The following PCDH9 variants were observed in gnomAD, a reference collection of about 807,000 sequenced individuals.
PCDH9 encodes the protein protocadherin 9.
A neutral mutation model predicts 70.6 loss-of-function variants in PCDH9; 24 were observed. The ratio of observed to expected loss-of-function variants is 0.34; its 90% CI spans 0.25 to 0.48. The LOEUF (loss-of-function observed/expected upper bound fraction) is 0.48. Among genes scored for constraint, PCDH9 ranks in the 20% least tolerant of loss-of-function variants. The pLI, the probability that PCDH9 is intolerant of heterozygous loss-of-function variation, is 0.99. For missense variants in PCDH9, 1,281 were observed against 1,503.6 expected, an observed-to-expected ratio of 0.85 and a Z score of 2.45; for synonymous variants, 562 against 558.5, an observed-to-expected ratio of 1.01 and a Z score of -0.09.
chr13:66,947,309 C>G (rs2083104202), intron 2 of PCDH9, among the ~76,000 whole-genome samples: 1 of 152,006 alleles, frequency 6.6e-6, no homozygotes, highest in African/African-American at 2.4e-5. Flanking sequence ...AAATTATTAC[C>G]CCTCTTTTAC....
chr13:67,000,360 C>T lies in PCDH9; in HGVS notation c.3037-96755G>A, dbSNP rs867297213. Among the ~76,000 whole-genome samples, 86 of 150,346 alleles carry T rather than the reference C, an allele frequency of 5.7e-4. No homozygotes were observed. In the Middle Eastern group the frequency reaches 0.017, roughly 30 times the overall value. On this transcript the variant is annotated intron_variant, in intron 2 of 4. Transcript: ENST00000377865. ...GGTGGGGGAGGGGGGAGGGATAGCA[C>T]TAGGAGATACACCTAATGCTAAATG...
intron 4 of PCDH9, among the ~76,000 whole-genome samples, chr13:66,547,163 C>T (rs1961244888): frequency 6.6e-6 from 1 of 152,150 alleles, no homozygotes; most frequent in African/African-American, 2.4e-5. Flanking sequence ...TTAATCACTT[C>T]TTATTTGTAA....
intron 2 of PCDH9, among the ~76,000 whole-genome samples, chr13:67,019,829 T>G (rs907093105): frequency 6.6e-6 from 1 of 152,120 alleles, no homozygotes; most frequent in African/African-American, 2.4e-5. Flanking sequence ...CAGAGGTGAG[T>G]ACCAAGCACA....
intron 2 of PCDH9, among the ~76,000 whole-genome samples, chr13:67,110,965 G>A (rs1274034975): frequency 1.3e-5 from 2 of 152,114 alleles, no homozygotes; most frequent in Non-Finnish European, 2.9e-5. Context: ...AATTCCATAA[G>A]GCCAATGCCT....
intron 2 of PCDH9, among the ~76,000 whole-genome samples, chr13:66,904,516 G>A (rs1166320013): frequency 6.6e-6 from 1 of 151,856 alleles, no homozygotes; most frequent in Non-Finnish European, 1.5e-5. Context: ...TGTGCCCCCA[G>A]AAAAGGTTCA....
At chr13:66,600,669 G>A (rs1043890892) in intron 4 of PCDH9, among the ~76,000 whole-genome samples, 2 of 113,160 alleles carry the variant, frequency 1.8e-5, no homozygotes, top group African/African-American at 5.7e-5. Context: ...TATGGATATT[G>A]GCATGGATGT....
chr13:66,678,295 A>G lies in PCDH9; in HGVS notation c.3139-46884T>C, dbSNP rs182301036. Among the ~76,000 whole-genome samples, 313 of 152,158 alleles carry G rather than the reference A, an allele frequency of 2.1e-3. 1 individual carries two copies. The highest frequency in any genetic ancestry group is 7.2e-3 in the African/African-American group (300 of 41,556). On this transcript the variant is annotated intron_variant, in intron 3 of 4. Coordinates refer to ENST00000377865, the MANE Select transcript of PCDH9 (RefSeq NM_203487.3). The stretch of plus-strand genomic sequence containing the variant: ...ATAAATATTATAGTCAACAACTGTC[A>G]TAGTAAATCATGTGATTTTAAGTGT...
At chr13:66,718,343 T>C (rs1177067970) in intron 3 of PCDH9, among the ~76,000 whole-genome samples, 1 of 152,180 alleles carries the variant, frequency 6.6e-6, no homozygotes, top group African/African-American at 2.4e-5. Context: ...TGTCAAGTTT[T>C]ATTCGTGTAC....
At chr13:66,434,804 A>T (rs1173922104) in intron 4 of PCDH9, among the ~76,000 whole-genome samples, 3 of 152,112 alleles carry the variant, frequency 2.0e-5, no homozygotes, top group African/African-American at 7.2e-5. Context: ...TTTCCATAAT[A>T]TGCAGGCCAT....
intron 3 of PCDH9, among the ~76,000 whole-genome samples, chr13:66,891,709 T>C (rs1004373635): frequency 6.6e-6 from 1 of 152,110 alleles, no homozygotes; most frequent in Non-Finnish European, 1.5e-5. Flanking sequence ...ACGTATGCTT[T>C]TTAAAAAACA....
intron 4 of PCDH9, among the ~76,000 whole-genome samples, chr13:66,321,124 G>A (rs1955745853): frequency 6.6e-6 from 1 of 151,772 alleles, no homozygotes; most frequent in Non-Finnish European, 1.5e-5. Flanking sequence ...GAAGCAAACT[G>A]TAAATATATA....
chr13:66,861,271 G>A (rs1857806604), intron 3 of PCDH9, among the ~76,000 whole-genome samples: 1 of 152,316 alleles, frequency 6.6e-6, no homozygotes, highest in Non-Finnish European at 1.5e-5. Flanking sequence ...ATCACATGGA[G>A]GGCCCTTGGG....
At chr13:66,381,720 T>G (rs1956851617) in intron 4 of PCDH9, among the ~76,000 whole-genome samples, 1 of 152,196 alleles carries the variant, frequency 6.6e-6, no homozygotes, top group Admixed American at 6.5e-5. Flanking sequence ...ATGATTTTTA[T>G]TACAAAAAAT....
intron 4 of PCDH9, among the ~76,000 whole-genome samples, chr13:66,589,127 T>A (rs971131164): frequency 1.8e-4 from 27 of 152,108 alleles, no homozygotes; most frequent in African/African-American, 5.8e-4. Context: ...TAAACCCAAC[T>A]AATTGAAGAG....
At chr13:67,129,280 G>T (rs2087051036) in intron 2 of PCDH9, among the ~76,000 whole-genome samples, 1 of 152,126 alleles carries the variant, frequency 6.6e-6, no homozygotes, top group Non-Finnish European at 1.5e-5. Flanking sequence ...GTGATGAACA[G>T]AATCTGGCAA....
At chr13:67,034,668 C>A (rs1196714345) in intron 2 of PCDH9, among the ~76,000 whole-genome samples, 1 of 122,292 alleles carries the variant, frequency 8.2e-6, no homozygotes, top group Non-Finnish European at 1.8e-5. Flanking sequence ...CCTTCCATTT[C>A]TTTCTTTTTT....
intron 3 of PCDH9, among the ~76,000 whole-genome samples, chr13:66,831,526 C>A (rs1374722355): frequency 1.3e-5 from 2 of 152,058 alleles, no homozygotes; most frequent in Non-Finnish European, 2.9e-5. Flanking sequence ...ATGACACCGA[C>A]ACAAACAGAA....
chr13:66,566,745 T>TG (rs2076658163), intron 4 of PCDH9, among the ~76,000 whole-genome samples: 2 of 151,902 alleles, frequency 1.3e-5, no homozygotes, highest in East Asian at 3.9e-4. Context: ...AGGGCCCGTC[T>TG]TGATGGTCAA....
rs202150724 is a variant in PCDH9, at chr13:66,874,938, T to TGA, written c.3138+28565_3138+28566insTC. Among the ~76,000 whole-genome samples the TGA allele has an allele frequency of 5.3e-3, 739 of 140,542 alleles. 7 individuals are homozygous for TGA. The highest frequency in any genetic ancestry group is 0.018 in the African/African-American group (701 of 39,028). The allele number at this position is 140,542 out of a possible 152,430, so 92.2% of individuals were successfully genotyped here. A position where few individuals can be genotyped will look rare whatever the true frequency, so the allele number is the denominator to read the frequency against. ...CAGTGTGTGTGTGTGTGTGTGTGTG[T>TGA]GTGTGAGAGAGAGAGAGAGAGAGAG... On this transcript the variant is annotated intron_variant, in intron 3 of 4. Transcript: ENST00000377865.
Sources: gnomAD v4.1 joint callset for allele counts (sites outside exome capture counted in the v4.1 genomes callset) on GRCh38, gnomAD v4.1.1 for gene constraint, MANE v1.5 for transcripts, NCBI Gene and HGNC (gene_info 2026-07-23, HGNC 2026-07-21) for gene names.